SPIDR: variants seen among roughly 807,000 people sequenced by gnomAD.
SPIDR encodes DNA repair-scaffolding protein.
In SPIDR, 93 loss-of-function variants were observed where a neutral mutation model predicts 104.6. That is an observed-to-expected ratio of 0.89 (90% CI 0.75 to 1.06). The LOEUF (loss-of-function observed/expected upper bound fraction) is 1.06. Ranked by LOEUF, SPIDR falls within the 50% of genes least tolerant of loss-of-function variation. The pLI is 0.00. For missense variants in SPIDR, 1,154 were observed against 1,111.2 expected, an observed-to-expected ratio of 1.04 and a Z score of -0.55; for synonymous variants, 431 against 416.9, an observed-to-expected ratio of 1.03 and a Z score of -0.41.
At chr8:47,735,169 T>C in intron 19 of SPIDR, 138 bp from the exon 20 acceptor site, 1 of 738,150 alleles carries the variant, frequency 1.4e-6, no homozygotes, top group South Asian at 1.7e-5. Context: ...TTCCTACCAC[T>C]GTTCTCAGCC....
intron 8 of SPIDR, among the ~76,000 whole-genome samples, chr8:47,456,270 A>G (rs782531883): frequency 1.3e-5 from 2 of 152,154 alleles, no homozygotes; most frequent in Non-Finnish European, 2.9e-5. Flanking sequence ...GTATGCACCT[A>G]GAGAAAGTGC....
chr8:47,361,160 T>C (rs2055820042), intron 5 of SPIDR, among the ~76,000 whole-genome samples: 1 of 152,210 alleles, frequency 6.6e-6, no homozygotes, highest in South Asian at 2.1e-4. Flanking sequence ...AAATTGGAAA[T>C]GGTAATACCT....
chr8:47,307,768 A>G (rs992013799), intron 5 of SPIDR, among the ~76,000 whole-genome samples: 2 of 151,352 alleles, frequency 1.3e-5, no homozygotes, highest in Admixed American at 6.6e-5. Flanking sequence ...CAAACTGCCA[A>G]CCTCAGGTGA....
At chr8:47,471,449 G>A (rs2075695742) in intron 8 of SPIDR, among the ~76,000 whole-genome samples, 1 of 151,990 alleles carries the variant, frequency 6.6e-6, no homozygotes, top group Non-Finnish European at 1.5e-5. Context: ...TTAGTCTTTA[G>A]GGTAATGCAA....
intron 7 of SPIDR, among the ~76,000 whole-genome samples, chr8:47,416,984 C>G (rs1289491717): frequency 6.6e-6 from 1 of 152,172 alleles, no homozygotes; most frequent in Non-Finnish European, 1.5e-5. Context: ...GCATAGTATT[C>G]CATGGTGTAT....
intron 6 of SPIDR, among the ~76,000 whole-genome samples, chr8:47,398,512 G>C (rs2061490982): frequency 6.6e-6 from 1 of 152,204 alleles, no homozygotes; most frequent in African/African-American, 2.4e-5. Context: ...ACTCAGGGAA[G>C]CCCTGAGGAG....
At chr8:47,685,840 C>A (rs2077738643) in intron 11 of SPIDR, among the ~76,000 whole-genome samples, 2 of 151,692 alleles carry the variant, frequency 1.3e-5, no homozygotes. Flanking sequence ...GTGTGAGCCA[C>A]CGTACCTGGC....
chr8:47,614,274 A>G lies in SPIDR; in HGVS notation c.1544+15078A>G, dbSNP rs569368756. On this transcript the variant is annotated intron_variant, in intron 10 of 19. Coordinates refer to ENST00000297423, the MANE Select transcript of SPIDR (RefSeq NM_001080394.4). ...TCGCTGTGTTGCCAGGCTGGAGTGC[A>G]GTGGTGGCATGATCTCAGCTCACTG... Among the ~76,000 whole-genome samples the G allele has an allele frequency of 4.0e-5, 6 of 151,700 alleles. No individual in the cohort carries two copies. The East Asian group carries it at 1.2e-3, about 29-fold the overall frequency.
intron 5 of SPIDR, among the ~76,000 whole-genome samples, chr8:47,356,399 C>T (rs1434121811): frequency 2.0e-5 from 3 of 152,088 alleles, no homozygotes; most frequent in Non-Finnish European, 2.9e-5. Flanking sequence ...TCAATATCGA[C>T]GCATTCCTGT....
chr8:47,592,256 T>C, intron 8 of SPIDR: 1 of 1,265,762 alleles, frequency 7.9e-7, no homozygotes, highest in South Asian at 1.2e-5. Context: ...ATCGTCTGGA[T>C]TGGGAGCACA....
intron 5 of SPIDR, among the ~76,000 whole-genome samples, chr8:47,369,527 A>C (rs1001201202): frequency 1.5e-4 from 23 of 152,170 alleles, no homozygotes; most frequent in Admixed American, 1.5e-3. Context: ...CTCTTTGGCC[A>C]CTTCTGTCTT....
chr8:47,534,116 C>G (rs746914530), intron 8 of SPIDR, among the ~76,000 whole-genome samples: 5 of 152,208 alleles, frequency 3.3e-5, no homozygotes, highest in Non-Finnish European at 5.9e-5. Flanking sequence ...GGCACTCATT[C>G]TCTCTCCTGC....
chr8:47,713,664 T>A, intron 16 of SPIDR, 23 bp downstream of exon 16: 1 of 1,613,390 alleles, frequency 6.2e-7, no homozygotes, highest in Non-Finnish European at 8.5e-7. Context: ...CTCACAGGAA[T>A]TGGTGCTTAT....
chr8:47,611,824 TA>T (rs1487282469), intron 10 of SPIDR, among the ~76,000 whole-genome samples: 1 of 152,154 alleles, frequency 6.6e-6, no homozygotes, highest in Non-Finnish European at 1.5e-5. Context: ...ATAGAAGAAT[TA>T]AAATATGACA....
intron 6 of SPIDR, among the ~76,000 whole-genome samples, chr8:47,401,993 A>G (rs2061966378): frequency 6.6e-6 from 1 of 152,208 alleles, no homozygotes; most frequent in African/African-American, 2.4e-5. Flanking sequence ...CCTAATAGAC[A>G]TCTACAGAAC....
intron 10 of SPIDR, chr8:47,673,474 G>C (rs147614993): frequency 2.1e-6 from 1 of 475,800 alleles, no homozygotes; most frequent in Non-Finnish European, 4.2e-6. Context: ...TGGTTTAAGA[G>C]AATGGTCATC....
At chr8:47,277,868 T>G (rs1451943898) in intron 1 of SPIDR, among the ~76,000 whole-genome samples, 1 of 151,474 alleles carries the variant, frequency 6.6e-6, no homozygotes, top group Non-Finnish European at 1.5e-5. Context: ...TAGAGATAGG[T>G]TTTCACCATG....
intron 5 of SPIDR, among the ~76,000 whole-genome samples, chr8:47,317,404 G>T (rs1416397166): frequency 2.0e-5 from 3 of 152,088 alleles, no homozygotes; most frequent in Non-Finnish European, 4.4e-5. Context: ...GAGGCTGGGG[G>T]AGGGGCGCCC....
At chr8:47,423,907 C>G (rs1199112290) in intron 7 of SPIDR, among the ~76,000 whole-genome samples, 3 of 152,198 alleles carry the variant, frequency 2.0e-5, no homozygotes, top group African/African-American at 4.8e-5. Flanking sequence ...TCCAACATTG[C>G]TTTGCTCATT....
Sources: gnomAD v4.1 joint callset for allele counts (sites outside exome capture counted in the v4.1 genomes callset) on GRCh38, gnomAD v4.1.1 for gene constraint, MANE v1.5 for transcripts, NCBI Gene and HGNC (gene_info 2026-07-23, HGNC 2026-07-21) for gene names.